LOXL2: variants seen among roughly 807,000 people sequenced by gnomAD.
LOXL2 encodes lysyl oxidase like 2.
Under a neutral mutation model 93.0 loss-of-function variants are expected in LOXL2, and 70 were observed. The ratio of observed to expected loss-of-function variants is 0.75; its 90% CI spans 0.62 to 0.92. LOXL2 has a LOEUF of 0.92. Ranked by LOEUF, LOXL2 falls within the 40% of genes least tolerant of loss-of-function variation. LOXL2 has a pLI of 0.00. For synonymous variants in LOXL2, 438 were observed against 413.2 expected (o/e 1.06, Z -0.73); for missense variants, 973 against 1,054.9 (o/e 0.92, Z 1.08).
At chr8:23,319,744 C>A in intron 8 of LOXL2, 141 bp downstream of exon 8, 2 of 892,096 alleles carry the variant, frequency 2.2e-6, no homozygotes, top group Non-Finnish European at 3.4e-6. Context: ...GAGCGAGGCT[C>A]CCTGCCTCTG....
At chr8:23,382,513 T>C (rs1804694493) in intron 1 of LOXL2, 4 of 123,266 alleles carry the variant, frequency 3.2e-5, no homozygotes, top group African/African-American at 1.3e-4. Context: ...CGAGACTCCA[T>C]CTCAAAAAAA....
intron 1 of LOXL2, among the ~76,000 whole-genome samples, chr8:23,388,210 G>T (rs1014251848): frequency 1.3e-5 from 2 of 152,144 alleles, no homozygotes; most frequent in African/African-American, 4.8e-5. Flanking sequence ...AGCTTCCCCA[G>T]GTGTTATTTG....
chr8:23,324,466 G>C (rs1803547182), intron 6 of LOXL2, among the ~76,000 whole-genome samples: 1 of 152,156 alleles, frequency 6.6e-6, no homozygotes, highest in African/African-American at 2.4e-5. Context: ...GGGTGGAAGA[G>C]GCTCCGAAGG....
At chr8:23,323,851 GC>G (rs982898129) in intron 6 of LOXL2, among the ~76,000 whole-genome samples, 1 of 152,114 alleles carries the variant, frequency 6.6e-6, no homozygotes, top group African/African-American at 2.4e-5. Context: ...ACAGGCACAT[GC>G]CACCATGCCC....
At chr8:23,349,339 A>G (rs1006692709) in intron 3 of LOXL2, among the ~76,000 whole-genome samples, 2 of 151,968 alleles carry the variant, frequency 1.3e-5, no homozygotes, top group Non-Finnish European at 2.9e-5. Flanking sequence ...TTAGGCCCAT[A>G]CCCTGCCATT....
At chr8:23,382,132 C>T (rs1804688714) in intron 1 of LOXL2, among the ~76,000 whole-genome samples, 1 of 152,176 alleles carries the variant, frequency 6.6e-6, no homozygotes, top group Non-Finnish European at 1.5e-5. Flanking sequence ...AGTTCGGTTG[C>T]CATAATGAGT....
chr8:23,348,721 C>T (rs1804035677), intron 3 of LOXL2, among the ~76,000 whole-genome samples: 1 of 151,350 alleles, frequency 6.6e-6, no homozygotes, highest in Non-Finnish European at 1.5e-5. Flanking sequence ...ACTAAAAATA[C>T]AAAAATTTAG....
rs910111716 is a variant in LOXL2 at position 23,316,136 on chromosome 8, G to A, written c.1636+813C>T. Among the ~76,000 whole-genome samples, 13 of 152,198 alleles carry A rather than the reference G, an allele frequency of 8.5e-5. 1 individual carries two copies. The highest frequency in any genetic ancestry group is 1.2e-4 in the African/African-American group (5 of 41,450). On this transcript the variant is annotated intron_variant, in intron 9 of 13. Coordinates refer to ENST00000389131, the MANE Select transcript of LOXL2 (RefSeq NM_002318.3). The stretch of plus-strand genomic sequence containing the variant: ...GGAGACGCAGCTGCTGTTCAATCCC[G>A]CGTTCTCCGTGATGGCAGGATGACA...
At position 23,333,540 on chromosome 8, in the gene LOXL2, T is replaced by A. The variant is rs745682259; in HGVS notation, c.827A>T (p.Lys276Met). The A allele has an allele frequency of 8.1e-6, 13 of 1,613,856 alleles. No homozygotes were observed. The South Asian group carries it at 1.2e-4, about 15-fold the overall frequency. Residue 276 changes from lysine to methionine, a missense_variant, in exon 5 of 14, where the codon AAG (lysine) becomes ATG (methionine). Coordinates refer to ENST00000389131, the MANE Select transcript of LOXL2 (RefSeq NM_002318.3). ...GTCCAGTGACACCTGGGGGCCCAGC[T>A]TGCAGCTGGAGATGTGGGCCTCTGT... ...TGTEAHISSC[K>M]LGPQVSLDPM...
At chr8:23,373,896 T>G (rs1804543298) in intron 1 of LOXL2, among the ~76,000 whole-genome samples, 1 of 150,602 alleles carries the variant, frequency 6.6e-6, no homozygotes, top group Non-Finnish European at 1.5e-5. Flanking sequence ...CTTCAGAGAC[T>G]TCCAGATCCT....
At chr8:23,340,868 G>T in intron 4 of LOXL2, 124 bp downstream of exon 4, 1 of 884,158 alleles carries the variant, frequency 1.1e-6, no homozygotes. Context: ...CAGGCTGCCT[G>T]CAGGGACACC....
chr8:23,330,376 A>G (rs1289957996), intron 5 of LOXL2, among the ~76,000 whole-genome samples: 3 of 152,134 alleles, frequency 2.0e-5, no homozygotes, highest in Non-Finnish European at 4.4e-5. Context: ...AACAAAAAAA[A>G]TCCAAACAGA....
At chr8:23,335,984 GAAC>G (rs1803784425) in intron 4 of LOXL2, among the ~76,000 whole-genome samples, 1 of 152,216 alleles carries the variant, frequency 6.6e-6, no homozygotes, top group African/African-American at 2.4e-5. Context: ...CCAGGGCAGA[GAAC>G]TGCTCAGGAG....
chr8:23,303,412 A>G lies in LOXL2; in HGVS notation c.1881-15T>C. On this transcript the variant is annotated splice_polypyrimidine_tract_variant and intron_variant, in intron 10 of 13. Transcript: ENST00000389131. The stretch of plus-strand genomic sequence containing the variant: ...TGTGGTAGTGCCTGGAGCGAGAGAG[A>G]GATGGCCTGGAGGTCAGTTTCTGGA... 3 of 1,490,368 alleles carry G rather than the reference A, an allele frequency of 2.0e-6. No homozygotes were observed. The African/African-American group carries it at 4.1e-5, about 21-fold the overall frequency. The allele number at this position is 1,490,368 out of a possible 1,614,324, so 92.3% of individuals were successfully genotyped here. A position where few individuals can be genotyped will look rare whatever the true frequency, so the allele number is the denominator to read the frequency against.
intron 1 of LOXL2, among the ~76,000 whole-genome samples, chr8:23,380,737 G>T (rs187437835): frequency 6.6e-6 from 1 of 152,144 alleles, no homozygotes; most frequent in Non-Finnish European, 1.5e-5. Flanking sequence ...ATAAGGGCTG[G>T]GCACAGTGGT....
chr8:23,328,637 C>T lies in LOXL2; in HGVS notation c.967-72G>A. The T allele has an allele frequency of 8.3e-6, 12 of 1,438,506 alleles. 1 individual carries two copies. Among genetic ancestry groups the T allele is most frequent in the Non-Finnish European group, 1.2e-5 (12 of 1,032,976 alleles). The allele number at this position is 1,438,506 out of a possible 1,614,324, so 89.1% of individuals were successfully genotyped here. On this transcript the variant is annotated intron_variant, in intron 5 of 13. Coordinates refer to ENST00000389131, the MANE Select transcript of LOXL2 (RefSeq NM_002318.3). ...CAGCGGGTGACCACTGTCCCCGCCC[C>T]CTCCCTTCCCTGCCACCCTGTTCCC...
Position 23,368,374 on chromosome 8 carries a change from C to T in LOXL2, c.-23G>A, listed in dbSNP as rs372239368. The T allele has an allele frequency of 3.9e-5, 63 of 1,595,912 alleles. No individual in the cohort carries two copies. The African/African-American group carries it at 5.5e-4, about 14-fold the overall frequency. On this transcript the variant is annotated 5_prime_UTR_variant, in exon 2 of 14. Transcript: ENST00000389131. ...CATCCCTGTCTTCGGGCTGATGATCCCACGAAGGGGCCCTGCGCAGCTGGG... is the reference window on the plus strand; with the variant it reads ...CATCCCTGTCTTCGGGCTGATGATCTCACGAAGGGGCCCTGCGCAGCTGGG...
At chr8:23,379,990 C>G (rs555606966) in intron 1 of LOXL2, among the ~76,000 whole-genome samples, 28 of 152,316 alleles carry the variant, frequency 1.8e-4, no homozygotes, top group Admixed American at 1.8e-3. Flanking sequence ...AACCAAGTAC[C>G]TCAGTTGGAA....
At chr8:23,372,308 C>T (rs1804509103) in intron 1 of LOXL2, among the ~76,000 whole-genome samples, 1 of 151,634 alleles carries the variant, frequency 6.6e-6, no homozygotes, top group South Asian at 2.1e-4. Context: ...ACCACTGCCT[C>T]CTGGGTTCAA....
Sources: allele counts gnomAD v4.1 joint callset (sites outside exome capture counted in the v4.1 genomes callset), GRCh38; gene constraint gnomAD v4.1.1; transcripts MANE v1.5; gene names NCBI Gene and HGNC (gene_info 2026-07-23, HGNC 2026-07-21).